FGGY: variants seen among roughly 807,000 people sequenced by gnomAD.
The protein encoded by FGGY is FGGY carbohydrate kinase domain containing.
In FGGY, 72 loss-of-function variants were observed where a neutral mutation model predicts 71.3. The ratio of observed to expected loss-of-function variants is 1.01; its 90% confidence interval spans 0.84 to 1.23. The LOEUF is 1.23. Ranked by LOEUF, FGGY falls within the 50% of genes most tolerant of loss-of-function variation. FGGY has a pLI of 0.00. For missense variants in FGGY, 668 were observed against 682.3 expected, an observed-to-expected ratio of 0.98 and a Z score of 0.23; for synonymous variants, 251 against 250.3, an observed-to-expected ratio of 1.00 and a Z score of -0.02.
intron 8 of FGGY, among the ~76,000 whole-genome samples, chr1:59,568,127 C>T (rs948168809): frequency 1.8e-4 from 28 of 152,226 alleles, no homozygotes; most frequent in African/African-American, 6.7e-4. Context: ...ATACTAATAT[C>T]TCTACAGTAA....
intron 7 of FGGY, among the ~76,000 whole-genome samples, chr1:59,542,445 C>CTTTTTTTTTTTTTTTTT (rs754831417): frequency 2.9e-5 from 1 of 34,246 alleles, no homozygotes; most frequent in Non-Finnish European, 5.6e-5. Context: ...ATGTTCTTTA[C>CTTTTTTTTTTTTTTTTT]TTTTTTTTTT....
intron 7 of FGGY, among the ~76,000 whole-genome samples, chr1:59,520,934 C>G (rs192798239): frequency 7.9e-5 from 12 of 151,804 alleles, no homozygotes; most frequent in Non-Finnish European, 1.5e-4. Flanking sequence ...TGCGCAGGAG[C>G]CAGGCCAGGC....
At chr1:59,437,696 G>GAT (rs1242859647) in intron 5 of FGGY, among the ~76,000 whole-genome samples, 1 of 152,154 alleles carries the variant, frequency 6.6e-6, no homozygotes, top group Non-Finnish European at 1.5e-5. Flanking sequence ...CTGGTAAGGG[G>GAT]ATATATATTT....
chr1:59,555,773 G>A (rs1021422566), intron 8 of FGGY, among the ~76,000 whole-genome samples: 2 of 152,166 alleles, frequency 1.3e-5, no homozygotes, highest in South Asian at 2.1e-4. Flanking sequence ...GCCGAGGTGG[G>A]TGGATCACCT....
At chr1:59,663,248 T>C (rs1558724366) in intron 12 of FGGY, among the ~76,000 whole-genome samples, 1 of 152,218 alleles carries the variant, frequency 6.6e-6, no homozygotes, top group Non-Finnish European at 1.5e-5. Flanking sequence ...AGTATGGTAG[T>C]TGGAATCTGA....
rs1413796061 is a variant in FGGY at position 59,746,575 on chromosome 1, C to T, written c.1513-11356C>T. 1.3e-5 allele frequency among the ~76,000 whole-genome samples: 2 copies of T among 152,140 alleles called. 1 individual carries two copies. The highest frequency in any genetic ancestry group is 4.1e-4 in the South Asian group (2 of 4,822). On this transcript the variant is annotated intron_variant, in intron 14 of 15. Transcript: ENST00000303721. ...CAATCGAGGTTCACTTCAGCCTCAA[C>T]CTCCCAGACTCAAGGGATCCTCCTA...
rs74693667 is a variant in FGGY, at chr1:59,740,354, T to C, written c.1513-17577T>C. On this transcript the variant is annotated intron_variant, in intron 14 of 15. Coordinates refer to ENST00000303721, the MANE Select transcript of FGGY (RefSeq NM_018291.5). ...CAGAGAGATGACCTCCTGTTTATTC[T>C]TAGCCACCAACTACCTCTAAGAGAA... Among the ~76,000 whole-genome samples the C allele has an allele frequency of 6.1e-3, 927 of 152,336 alleles. 5 individuals carry two copies. The highest frequency in any genetic ancestry group is 0.013 in the Admixed American group (197 of 15,296).
chr1:59,413,160 A>G (rs1443520525), intron 5 of FGGY, among the ~76,000 whole-genome samples: 1 of 152,148 alleles, frequency 6.6e-6, no homozygotes, highest in Non-Finnish European at 1.5e-5. Context: ...GGGACATTTT[A>G]AGTCCTTTTT....
At chr1:59,363,831 G>A (rs530869087) in intron 4 of FGGY, among the ~76,000 whole-genome samples, 10 of 152,326 alleles carry the variant, frequency 6.6e-5, no homozygotes, top group African/African-American at 1.4e-4. Flanking sequence ...AGGTTGGACC[G>A]TTAGGGATCC....
At chr1:59,719,492 A>C (rs910069021) in intron 14 of FGGY, among the ~76,000 whole-genome samples, 1 of 152,224 alleles carries the variant, frequency 6.6e-6, no homozygotes, top group Non-Finnish European at 1.5e-5. Flanking sequence ...ATATGTGAGC[A>C]TATGTCACAG....
chr1:59,713,746 A>G (rs958589944), intron 14 of FGGY, among the ~76,000 whole-genome samples: 2 of 152,138 alleles, frequency 1.3e-5, no homozygotes, highest in Admixed American at 1.3e-4. Flanking sequence ...GAGAACTCCT[A>G]CTCTAAGACT....
At chr1:59,344,595 G>A (rs2051401006) in intron 3 of FGGY, among the ~76,000 whole-genome samples, 1 of 152,064 alleles carries the variant, frequency 6.6e-6, no homozygotes, top group African/African-American at 2.4e-5. Flanking sequence ...TATCTGAGGG[G>A]TACTTGTTCC....
chr1:59,712,250 T>C (rs151140006), intron 14 of FGGY, among the ~76,000 whole-genome samples: 19 of 152,340 alleles, frequency 1.2e-4, no homozygotes, highest in African/African-American at 3.1e-4. Context: ...ATGCAAGATG[T>C]AGGTTCCCAT....
chr1:59,633,103 CG>C (rs1409974547), intron 10 of FGGY, among the ~76,000 whole-genome samples: 1 of 151,606 alleles, frequency 6.6e-6, no homozygotes, highest in Non-Finnish European at 1.5e-5. Flanking sequence ...CTCTGCCTCC[CG>C]GGTTCACACC....
intron 2 of FGGY, among the ~76,000 whole-genome samples, chr1:59,328,916 G>A (rs148571251): frequency 6.6e-6 from 1 of 151,758 alleles, no homozygotes; most frequent in African/African-American, 2.4e-5. Context: ...GCAGTTTGTG[G>A]TGCCCCAAAA....
At chr1:59,607,715 T>C in intron 8 of FGGY, 88 bp from the exon 9 acceptor site, 2 of 1,013,298 alleles carry the variant, frequency 2.0e-6, no homozygotes, top group South Asian at 1.6e-5. Flanking sequence ...AGAAGCTGAA[T>C]TCCATGGTCA....
At chr1:59,733,645 T>C (rs1246112474) in intron 14 of FGGY, among the ~76,000 whole-genome samples, 3 of 152,172 alleles carry the variant, frequency 2.0e-5, no homozygotes, top group Non-Finnish European at 4.4e-5. Context: ...TTATTTCTCT[T>C]GATTTCTTTC....
chr1:59,669,649 C>T (rs1302665347), intron 13 of FGGY, among the ~76,000 whole-genome samples: 1 of 149,758 alleles, frequency 6.7e-6, no homozygotes, highest in Non-Finnish European at 1.5e-5. Context: ...CCCGCCTTGG[C>T]CTCCCAAAGT....
At chr1:59,611,415 CCAA>C (rs1417052338) in intron 9 of FGGY, among the ~76,000 whole-genome samples, 2 of 152,180 alleles carry the variant, frequency 1.3e-5, no homozygotes, top group African/African-American at 4.8e-5. Context: ...CCAGCAATCT[CCAA>C]CAGACCTGCA....
Sources: allele counts gnomAD v4.1 joint callset (sites outside exome capture counted in the v4.1 genomes callset), GRCh38; gene constraint gnomAD v4.1.1; transcripts MANE v1.5; gene names NCBI Gene and HGNC (gene_info 2026-07-23, HGNC 2026-07-21).